The following FHIT variants were observed in gnomAD, a reference collection of about 807,000 sequenced individuals.
FHIT encodes the protein fragile histidine triad diadenosine triphosphatase.
In FHIT, 19 loss-of-function variants were observed where a neutral mutation model predicts 17.9. The ratio of observed to expected loss-of-function variants is 1.06; its 90% CI spans 0.74 to 1.56. The LOEUF (loss-of-function observed/expected upper bound fraction) is 1.56, where lower values mean the gene tolerates loss of function less well. Ranked by LOEUF, FHIT falls within the 40% of genes most tolerant of loss-of-function variation. FHIT has a pLI of 0.00. For synonymous variants in FHIT, 81 were observed against 69.7 expected, an observed-to-expected ratio of 1.16 and a Z score of -0.81; for missense variants, 248 against 189.2, an observed-to-expected ratio of 1.31 and a Z score of -1.82.
chr3:60,692,458 G>A (rs1299595685), intron 4 of FHIT, among the ~76,000 whole-genome samples: 1 of 152,110 alleles, frequency 6.6e-6, no homozygotes, highest in Non-Finnish European at 1.5e-5. Context: ...AATCACAAGG[G>A]TCATTAAATC....
intron 5 of FHIT, among the ~76,000 whole-genome samples, chr3:60,063,418 CAAA>C: frequency 6.6e-6 from 1 of 152,238 alleles, no homozygotes; most frequent in South Asian, 2.1e-4. Context: ...ATAGTCCATC[CAAA>C]TTCACATTGG....
chr3:60,746,214 C>A (rs2042353326), intron 4 of FHIT, among the ~76,000 whole-genome samples: 3 of 152,120 alleles, frequency 2.0e-5, no homozygotes, highest in Non-Finnish European at 1.5e-5. Context: ...GAGTAAGCAG[C>A]AAAAGACAAA....
intron 4 of FHIT, among the ~76,000 whole-genome samples, chr3:60,664,103 G>A (rs1271064461): frequency 6.6e-6 from 1 of 152,108 alleles, no homozygotes; most frequent in South Asian, 2.1e-4. Context: ...TTAGCAAGTC[G>A]AGATAATTCA....
At chr3:60,293,622 G>A (rs1302394853) in intron 5 of FHIT, among the ~76,000 whole-genome samples, 5 of 151,802 alleles carry the variant, frequency 3.3e-5, no homozygotes, top group Non-Finnish European at 7.4e-5. Context: ...CCTGCTGGTT[G>A]GAATTGAAAA....
intron 3 of FHIT, among the ~76,000 whole-genome samples, chr3:60,996,973 A>T (rs905286258): frequency 2.3e-4 from 35 of 152,232 alleles, no homozygotes; most frequent in Admixed American, 2.2e-3. Flanking sequence ...CATTTGAAAA[A>T]CAATAAGAGA....
At chr3:60,157,130 A>G (rs1278300631) in intron 5 of FHIT, among the ~76,000 whole-genome samples, 1 of 152,182 alleles carries the variant, frequency 6.6e-6, no homozygotes, top group Non-Finnish European at 1.5e-5. Flanking sequence ...TATTAAGTGC[A>G]CATGATGTAA....
At chr3:60,790,511 T>G (rs890667743) in intron 4 of FHIT, among the ~76,000 whole-genome samples, 2 of 152,202 alleles carry the variant, frequency 1.3e-5, no homozygotes, top group Admixed American at 6.5e-5. Flanking sequence ...TGATTGTAAT[T>G]TGAAATCCTG....
intron 3 of FHIT, among the ~76,000 whole-genome samples, chr3:60,961,610 G>A (rs893326569): frequency 5.9e-5 from 9 of 152,124 alleles, no homozygotes; most frequent in East Asian, 3.8e-4. Flanking sequence ...TTTGTATAGC[G>A]TGTAAGGAAG....
intron 5 of FHIT, among the ~76,000 whole-genome samples, chr3:60,113,180 C>T (rs546415642): frequency 4.1e-4 from 63 of 152,244 alleles, no homozygotes; most frequent in African/African-American, 1.4e-3. Flanking sequence ...TTTGCCTGCT[C>T]CTTATCTCCT....
intron 4 of FHIT, among the ~76,000 whole-genome samples, chr3:60,572,549 GAC>G (rs921276284): frequency 2.0e-5 from 3 of 151,842 alleles, no homozygotes; most frequent in Admixed American, 6.6e-5. Flanking sequence ...TACACACACA[GAC>G]ACACACACAC....
intron 4 of FHIT, among the ~76,000 whole-genome samples, chr3:60,538,399 A>G (rs2036064011): frequency 6.6e-6 from 1 of 152,226 alleles, no homozygotes; most frequent in African/African-American, 2.4e-5. Context: ...CATCCCCATC[A>G]AGATACCAAT....
chr3:61,018,601 C>T lies in FHIT; in HGVS notation c.-111+23446G>A, dbSNP rs370315337. On this transcript the variant is annotated intron_variant, in intron 3 of 9. Coordinates refer to ENST00000492590, the MANE Select transcript of FHIT (RefSeq NM_002012.4). ...TGTGCAGAACATCAACACAGTATAT[C>T]ACCCCAGCAAGGAAAGTTCAAAGGA... Among the ~76,000 whole-genome samples, 47 of 152,322 alleles carry T rather than the reference C, an allele frequency of 3.1e-4. No homozygotes were observed. In the East Asian group the frequency reaches 6.8e-3, roughly 22 times the overall value.
At position 60,997,657 on chromosome 3, in the gene FHIT, G is replaced by C. The variant is rs552642547; in HGVS notation, c.-111+44390C>G. Among the ~76,000 whole-genome samples, 5 of 152,234 alleles carry C rather than the reference G, an allele frequency of 3.3e-5. 1 individual carries two copies. In the South Asian group the frequency reaches 1.0e-3, roughly 32 times the overall value. ...ATTACAGTATTTACATTACTGACCT[G>C]CAAGAAGTAACTAGCAGTCAGAAAG... is the stretch of plus-strand genomic sequence containing the variant. On this transcript the variant is annotated intron_variant, in intron 3 of 9. Coordinates refer to ENST00000492590, the MANE Select transcript of FHIT (RefSeq NM_002012.4).
chr3:60,878,726 G>A (rs1559795862), intron 3 of FHIT, among the ~76,000 whole-genome samples: 1 of 151,986 alleles, frequency 6.6e-6, no homozygotes, highest in Non-Finnish European at 1.5e-5. Context: ...ACCTATGAGT[G>A]AGAACACGCG....
At chr3:60,831,312 T>G (rs1702318188) in intron 3 of FHIT, among the ~76,000 whole-genome samples, 1 of 152,204 alleles carries the variant, frequency 6.6e-6, no homozygotes, top group African/African-American at 2.4e-5. Context: ...CTTCTCATGG[T>G]TCTCAACCTT....
chr3:60,186,905 A>T (rs1472912424), intron 5 of FHIT, among the ~76,000 whole-genome samples: 1 of 152,070 alleles, frequency 6.6e-6, no homozygotes, highest in Non-Finnish European at 1.5e-5. Context: ...ATTTAAATTC[A>T]AATGGGAGCT....
In FHIT at chr3:60,517,161, T is replaced by C. The variant is rs556148964; in HGVS notation, c.103+19699A>G. ...TGAATAGTTATAAAGGCTCAAGAGTTAATGTTATTTTAGGGTTAAGTTAAA... is the reference window on the plus strand; with the variant it reads ...TGAATAGTTATAAAGGCTCAAGAGTCAATGTTATTTTAGGGTTAAGTTAAA... On this transcript the variant is annotated intron_variant, in intron 5 of 9. Coordinates refer to ENST00000492590, the MANE Select transcript of FHIT (RefSeq NM_002012.4). Among the ~76,000 whole-genome samples, 25 of 152,346 alleles carry C rather than the reference T, an allele frequency of 1.6e-4. 1 individual carries two copies. The South Asian group carries it at 4.8e-3, about 29-fold the overall frequency.
At chr3:60,084,600 A>T (rs1220586771) in intron 5 of FHIT, among the ~76,000 whole-genome samples, 2 of 152,212 alleles carry the variant, frequency 1.3e-5, no homozygotes, top group Admixed American at 6.5e-5. Context: ...ATATCCCATT[A>T]TTGCTGGAGG....
intron 8 of FHIT, among the ~76,000 whole-genome samples, chr3:59,880,118 C>T (rs776143761): frequency 4.6e-5 from 7 of 152,188 alleles, no homozygotes; most frequent in African/African-American, 9.7e-5. Flanking sequence ...TGCCTCATAA[C>T]GACATCCCTT....
Sources: gnomAD v4.1 joint callset for allele counts (sites outside exome capture counted in the v4.1 genomes callset) on GRCh38, gnomAD v4.1.1 for gene constraint, MANE v1.5 for transcripts, NCBI Gene and HGNC (gene_info 2026-07-23, HGNC 2026-07-21) for gene names.